KIAA1549: variants seen among roughly 807,000 people sequenced by gnomAD.
KIAA1549 encodes UPF0606 protein KIAA1549.
In KIAA1549, 70 loss-of-function variants were observed where a neutral mutation model predicts 156.4. The observed-to-expected ratio is 0.45, with a 90% confidence interval of 0.37 to 0.55. The LOEUF (loss-of-function observed/expected upper bound fraction) is 0.55. Among genes scored for constraint, KIAA1549 ranks in the 20% least tolerant of loss-of-function variants. The pLI is 0.00. For synonymous variants in KIAA1549, 1,103 were observed against 1,066.4 expected (o/e 1.03, Z -0.67); for missense variants, 2,428 against 2,540.9 (o/e 0.96, Z 0.96).
At chr7:138,899,623 C>T (rs1811785209) in intron 8 of KIAA1549, among the ~76,000 whole-genome samples, 1 of 152,136 alleles carries the variant, frequency 6.6e-6, no homozygotes, top group South Asian at 2.1e-4. Context: ...ACTGACAATC[C>T]CTTGACATGG....
At chr7:138,856,492 C>G (rs1235120464) in intron 16 of KIAA1549, among the ~76,000 whole-genome samples, 1 of 152,148 alleles carries the variant, frequency 6.6e-6, no homozygotes, top group Non-Finnish European at 1.5e-5. Context: ...ACTCTCTCAC[C>G]AAGAATACTA....
rs768272581 is a variant in KIAA1549 at position 138,917,865 on chromosome 7, A to G, written c.1761T>C (p.Ser587=). 6.2e-7 allele frequency: 1 copy of G among 1,604,284 alleles called. No individual in the cohort carries two copies. Among genetic ancestry groups the G allele is most frequent in the Non-Finnish European group, 8.5e-7 (1 of 1,175,506 alleles). The change falls in exon 2 of 20, where the codon AGT becomes AGC. Residue 587 remains serine (S), a synonymous_variant. Transcript: ENST00000422774. ...NTPSLAVRDP[S]VFTPYSLVPS... Reference sequence around the variant, plus strand: ...GAACCAGACTATAAGGCGTAAAAACACTCGGGTCTCTGACGGCAAGCGACG... The same window carrying G: ...GAACCAGACTATAAGGCGTAAAAACGCTCGGGTCTCTGACGGCAAGCGACG...
chr7:138,869,315 C>T (rs1378531936), intron 14 of KIAA1549, among the ~76,000 whole-genome samples: 2 of 152,236 alleles, frequency 1.3e-5, no homozygotes, highest in African/African-American at 2.4e-5. Context: ...GCCAACGCCT[C>T]CCACACTAAG....
intron 1 of KIAA1549, among the ~76,000 whole-genome samples, chr7:138,971,040 A>G (rs925051669): frequency 6.6e-6 from 1 of 152,140 alleles, no homozygotes; most frequent in African/African-American, 2.4e-5. Flanking sequence ...GAGCCCTCCC[A>G]GCTGCCCTGC....
At chr7:138,889,478 T>C (rs918121422) in intron 10 of KIAA1549, among the ~76,000 whole-genome samples, 1 of 152,286 alleles carries the variant, frequency 6.6e-6, no homozygotes, top group East Asian at 1.9e-4. Flanking sequence ...GGCATCAGAG[T>C]TATAAATAAG....
At chr7:138,874,312 T>C (rs1463292971) in intron 12 of KIAA1549, among the ~76,000 whole-genome samples, 1 of 152,098 alleles carries the variant, frequency 6.6e-6, no homozygotes, top group African/African-American at 2.4e-5. Context: ...AGAGTCAAGA[T>C]ACCTATTGTA....
chr7:138,954,311 G>GT (rs1269355415), intron 1 of KIAA1549, among the ~76,000 whole-genome samples: 1 of 152,184 alleles, frequency 6.6e-6, no homozygotes, highest in African/African-American at 2.4e-5. Context: ...AAGAGCATGA[G>GT]TAAGATACTA....
chr7:138,951,816 C>T (rs1269297004), intron 1 of KIAA1549, among the ~76,000 whole-genome samples: 1 of 152,180 alleles, frequency 6.6e-6, no homozygotes, highest in East Asian at 1.9e-4. Context: ...GTCTAAGCAA[C>T]ATCCAGGAAT....
chr7:138,846,583 C>A (rs906370665), intron 17 of KIAA1549, among the ~76,000 whole-genome samples: 1 of 148,602 alleles, frequency 6.7e-6, no homozygotes, highest in Non-Finnish European at 1.5e-5. Flanking sequence ...TTTCACCCAC[C>A]ATTGCTTTTG....
intron 10 of KIAA1549, among the ~76,000 whole-genome samples, chr7:138,893,446 C>G (rs1246209878): frequency 2.6e-5 from 4 of 152,042 alleles, no homozygotes; most frequent in South Asian, 2.1e-4. Flanking sequence ...CTAAAGAAAC[C>G]CAAACTGGAA....
chr7:138,844,140 C>A (rs1246265242), intron 18 of KIAA1549, among the ~76,000 whole-genome samples, 177 bp downstream of exon 18: 1 of 152,214 alleles, frequency 6.6e-6, no homozygotes, highest in Non-Finnish European at 1.5e-5. Flanking sequence ...CAGACAGCAG[C>A]TTTGGGAGCT....
intron 1 of KIAA1549, among the ~76,000 whole-genome samples, chr7:138,935,478 G>C (rs542984848): frequency 1.5e-5 from 2 of 135,990 alleles, no homozygotes; most frequent in Admixed American, 1.4e-4. Context: ...TAACAACAAA[G>C]GCAAAAAAAT....
chr7:138,943,694 A>T (rs1423821111), intron 1 of KIAA1549, among the ~76,000 whole-genome samples: 4 of 152,096 alleles, frequency 2.6e-5, no homozygotes, highest in Non-Finnish European at 5.9e-5. Flanking sequence ...CTAAAAATAC[A>T]AAAATTTAGC....
At chr7:138,892,988 G>A (rs1220211517) in intron 10 of KIAA1549, among the ~76,000 whole-genome samples, 7 of 152,154 alleles carry the variant, frequency 4.6e-5, no homozygotes, top group East Asian at 1.9e-4. Context: ...TGACTACCAC[G>A]TTCCACTCCC....
chr7:138,884,336 AC>A (rs1230546191), intron 10 of KIAA1549, among the ~76,000 whole-genome samples: 1 of 151,904 alleles, frequency 6.6e-6, no homozygotes, highest in Non-Finnish European at 1.5e-5. Context: ...TAAGCCCCCA[AC>A]CTACTGAACA....
intron 16 of KIAA1549, among the ~76,000 whole-genome samples, chr7:138,858,924 T>C (rs1225871592): frequency 6.6e-6 from 1 of 151,684 alleles, no homozygotes; most frequent in Non-Finnish European, 1.5e-5. Context: ...GAGAATGGCG[T>C]GAACCCGGGA....
chr7:138,918,237 T>C lies in KIAA1549; in HGVS notation c.1389A>G (p.Leu463=), dbSNP rs1812412466. The C allele has an allele frequency of 6.2e-7, 1 of 1,613,828 alleles. No homozygotes were observed. The highest frequency in any genetic ancestry group is 1.3e-5 in the African/African-American group (1 of 74,916). The change falls in exon 2 of 20, where the codon CTA becomes CTG. Residue 463 remains leucine, a synonymous_variant. Transcript: ENST00000422774. This position sits in a 1 kb window ranked among gnomAD's most constrained non-coding sequence, Gnocchi z 4.2. ...MTVLEESSIS[L]MSSVVADFSE... is the part of the protein sequence containing the mutation. ...AGAAGTCTGCTACGACGCTACTCAT[T>C]AGAGAGATGCTGCTTTCTTCCAGCA...
At chr7:138,942,419 C>G (rs1813211335) in intron 1 of KIAA1549, among the ~76,000 whole-genome samples, 1 of 150,966 alleles carries the variant, frequency 6.6e-6, no homozygotes, top group African/African-American at 2.4e-5. Flanking sequence ...ATGCTGAAGC[C>G]AGAGAGGCAT....
intron 12 of KIAA1549, among the ~76,000 whole-genome samples, chr7:138,872,748 T>C (rs528053246): frequency 6.6e-6 from 1 of 152,270 alleles, no homozygotes; most frequent in African/African-American, 2.4e-5. Context: ...TCTACAATTT[T>C]TTTTAATTAG....
Sources: allele counts gnomAD v4.1 joint callset (sites outside exome capture counted in the v4.1 genomes callset), GRCh38; gene constraint gnomAD v4.1.1; non-coding constraint Gnocchi (gnomAD v3.1); transcripts MANE v1.5; gene names NCBI Gene and HGNC (gene_info 2026-07-23, HGNC 2026-07-21).